Variants in PSD3 observed in about 807,000 individuals in gnomAD.
PSD3 encodes the protein pleckstrin and Sec7 domain containing 3.
PSD3 carries 49 observed loss-of-function variants against 105.5 expected under a neutral mutation model. That is an observed-to-expected ratio of 0.46 (90% CI 0.37 to 0.59). PSD3 has a LOEUF of 0.59. Among genes scored for constraint, PSD3 ranks in the 20% least tolerant of loss-of-function variants. PSD3 has a pLI of 0.00. For synonymous variants in PSD3, 557 were observed against 457.8 expected (o/e 1.22, Z -2.77); for missense variants, 1,561 against 1,263.8 (o/e 1.24, Z -3.57).
chr8:18,908,859 C>T (rs572728741), intron 2 of PSD3, among the ~76,000 whole-genome samples: 1 of 152,276 alleles, frequency 6.6e-6, no homozygotes, highest in South Asian at 2.1e-4. Flanking sequence ...CCTGCCCTCC[C>T]CTTTTTAAAA....
intron 1 of PSD3, among the ~76,000 whole-genome samples, chr8:19,076,910 G>C (rs1160582287): frequency 6.6e-6 from 1 of 152,094 alleles, no homozygotes; most frequent in Non-Finnish European, 1.5e-5. Flanking sequence ...CTTTGTAGGA[G>C]GCCTTTATGG....
chr8:18,536,053 T>A (rs1054582767), intron 15 of PSD3, 95 bp from the exon 16 acceptor site: 4 of 1,235,502 alleles, frequency 3.2e-6, no homozygotes, highest in Non-Finnish European at 4.6e-6. Context: ...AGAGTGTGAA[T>A]GGCTGTTGAA....
At chr8:18,630,221 C>A (rs1190037822) in intron 11 of PSD3, among the ~76,000 whole-genome samples, 1 of 151,650 alleles carries the variant, frequency 6.6e-6, no homozygotes, top group Non-Finnish European at 1.5e-5. Context: ...ACACTTAAAA[C>A]TGCCTTGACC....
chr8:19,018,315 G>T (rs1214874971), upstream of PSD3, among the ~76,000 whole-genome samples: 1 of 151,512 alleles, frequency 6.6e-6, no homozygotes, highest in South Asian at 2.1e-4. Context: ...AGGATTTCAA[G>T]GCATTTCATT....
chr8:18,836,256 T>A (rs916115901), intron 4 of PSD3, among the ~76,000 whole-genome samples: 14 of 152,134 alleles, frequency 9.2e-5, no homozygotes, highest in African/African-American at 3.4e-4. Flanking sequence ...AAAATAAAAA[T>A]ATAATTATTA....
At chr8:18,753,678 C>T (rs1287113451) in intron 9 of PSD3, among the ~76,000 whole-genome samples, 9 of 152,142 alleles carry the variant, frequency 5.9e-5, no homozygotes, top group Admixed American at 5.9e-4. Flanking sequence ...AATTATCCTA[C>T]ATTAGCGCAT....
At chr8:18,696,031 G>T (rs145160327) in intron 9 of PSD3, among the ~76,000 whole-genome samples, 116 of 152,328 alleles carry the variant, frequency 7.6e-4, no homozygotes, top group African/African-American at 2.6e-3. Context: ...AGCGTCACCT[G>T]GCAGCTGTCG....
chr8:18,787,141 G>A (rs17383284), intron 8 of PSD3, among the ~76,000 whole-genome samples: 22,131 of 152,168 alleles, frequency 0.15, 2,050 homozygotes, highest in South Asian at 0.29. Flanking sequence ...AAGTATCCAA[G>A]AGAAGCTCAT....
chr8:18,731,264 A>T (rs991857189), intron 9 of PSD3, among the ~76,000 whole-genome samples: 1 of 152,202 alleles, frequency 6.6e-6, no homozygotes, highest in African/African-American at 2.4e-5. Flanking sequence ...CTCAAAAACA[A>T]AAAACAAAAA....
At chr8:18,935,695 CA>C (rs10628497) in intron 2 of PSD3, among the ~76,000 whole-genome samples, 114 of 136,978 alleles carry the variant, frequency 8.3e-4, no homozygotes, top group Non-Finnish European at 1.3e-3. Context: ...GACTTTGTCT[CA>C]AAAAAAAAAA....
chr8:18,820,171 C>CTTT (rs11357749), intron 4 of PSD3, among the ~76,000 whole-genome samples: 1 of 128,092 alleles, frequency 7.8e-6, no homozygotes. Flanking sequence ...CATTTTTTTC[C>CTTT]TTTTTTTTTT....
intron 2 of PSD3, among the ~76,000 whole-genome samples, chr8:18,883,971 T>C (rs1011283662): frequency 1.3e-5 from 2 of 152,310 alleles, no homozygotes; most frequent in East Asian, 1.9e-4. Context: ...ATTAATATTA[T>C]GTTAGTACAA....
intron 2 of PSD3, among the ~76,000 whole-genome samples, chr8:18,920,445 A>T (rs1820933773): frequency 6.6e-6 from 1 of 152,236 alleles, no homozygotes; most frequent in Non-Finnish European, 1.5e-5. Flanking sequence ...GTGGACAGAT[A>T]CAGCGGTATT....
intron 9 of PSD3, among the ~76,000 whole-genome samples, chr8:18,731,294 A>T (rs1261596529): frequency 6.6e-6 from 1 of 152,166 alleles, no homozygotes; most frequent in Non-Finnish European, 1.5e-5. Flanking sequence ...ATCACATAGC[A>T]AAACATTTAT....
rs1463602658 is a variant in PSD3, at chr8:18,532,557, A to G, written c.*3186T>C. The G allele has an allele frequency of 6.6e-6, 1 of 152,240 alleles. No individual in the cohort carries two copies. Among genetic ancestry groups the G allele is most frequent in the Non-Finnish European group, 1.5e-5 (1 of 68,046 alleles). 9.4% of individuals were successfully genotyped at this position (152,240 alleles called of 1,614,324 possible). A position where few individuals can be genotyped will look rare whatever the true frequency, so the allele number is the denominator to read the frequency against. On this transcript the variant is annotated 3_prime_UTR_variant, in exon 16 of 16. Coordinates refer to ENST00000327040, the MANE Select transcript of PSD3 (RefSeq NM_015310.4). Reference sequence around the variant, plus strand: ...AATCCAGGGACTACATTTCCATCAGAGGACTCTCTCCCATCATGGTTTTGC... The same window carrying G: ...AATCCAGGGACTACATTTCCATCAGGGGACTCTCTCCCATCATGGTTTTGC...
At chr8:18,693,167 G>A (rs967311476) in intron 9 of PSD3, among the ~76,000 whole-genome samples, 1 of 152,188 alleles carries the variant, frequency 6.6e-6, no homozygotes, top group African/African-American at 2.4e-5. Flanking sequence ...TGGTTGTACT[G>A]CTGCTACCCC....
intron 1 of PSD3, among the ~76,000 whole-genome samples, chr8:18,956,556 G>A (rs147550540): frequency 6.6e-6 from 1 of 152,302 alleles, no homozygotes; most frequent in East Asian, 1.9e-4. Context: ...AGGTTTCTGA[G>A]CAAGGGAGAC....
chr8:18,849,438 T>G (rs2129452103), intron 4 of PSD3: 1 of 152,366 alleles, frequency 6.6e-6, no homozygotes, highest in Admixed American at 6.5e-5. Flanking sequence ...AGATGTAAAC[T>G]ACGGCTGAAT....
chr8:18,636,530 A>G (rs1238260258), intron 10 of PSD3, among the ~76,000 whole-genome samples: 2 of 152,228 alleles, frequency 1.3e-5, no homozygotes, highest in Non-Finnish European at 2.9e-5. Context: ...GAAAGTCTAC[A>G]GTACTGTGTA....
Sources: gnomAD v4.1 joint callset for allele counts (sites outside exome capture counted in the v4.1 genomes callset) on GRCh38, gnomAD v4.1.1 for gene constraint, MANE v1.5 for transcripts, NCBI Gene and HGNC (gene_info 2026-07-23, HGNC 2026-07-21) for gene names.